Variants in CDYL observed in about 807,000 individuals in gnomAD.
The protein encoded by CDYL is chromodomain Y-like protein.
CDYL carries 8 observed loss-of-function variants against 47.3 expected under a neutral mutation model. That is an observed-to-expected ratio of 0.17 (90% confidence interval 0.10 to 0.31). CDYL has a LOEUF of 0.31. Among genes scored for constraint, CDYL ranks in the 10% least tolerant of loss-of-function variants. The pLI, the probability that CDYL is intolerant of heterozygous loss-of-function variation, is 1.00. For synonymous variants in CDYL, 266 were observed against 265.0 expected, an observed-to-expected ratio of 1.00 and a Z score of -0.04; for missense variants, 471 against 701.4, an observed-to-expected ratio of 0.67 and a Z score of 3.71.
intron 1 of CDYL, among the ~76,000 whole-genome samples, chr6:4,785,115 G>C (rs750322283): frequency 6.6e-6 from 1 of 152,200 alleles, no homozygotes; most frequent in Non-Finnish European, 1.5e-5. Flanking sequence ...ATTGCCTACA[G>C]TGTTCAGTAC....
In CDYL at chr6:4,724,085, C is replaced by T. The variant is rs115027975; in HGVS notation, c.103+8204C>T. ...AGAGAGTCTTGCTCTGACACCCAGG[C>T]TCTGGAGTGCAGGGGCATGATCTTG... On this transcript the variant is annotated intron_variant, in intron 2 of 8. Coordinates refer to the CDYL transcript ENST00000328908. Among the ~76,000 whole-genome samples, 430 of 152,306 alleles carry T rather than the reference C, an allele frequency of 2.8e-3. 2 individuals carry two copies. The highest frequency in any genetic ancestry group is 9.8e-3 in the African/African-American group (408 of 41,576).
chr6:4,717,839 ATT>A (rs11450522), intron 2 of CDYL, among the ~76,000 whole-genome samples: 4 of 144,212 alleles, frequency 2.8e-5, no homozygotes, highest in African/African-American at 7.8e-5. Context: ...ACCCTGTTAG[ATT>A]TTTTTTTTTC....
Position 4,892,004 on chromosome 6 carries a change from G to A in CDYL, c.316G>A (p.Glu106Lys), listed in dbSNP as rs976298118. ...PKALVIGKDH[E>K]SKNSQLFAAS... ...GGCACTCGTGATTGGGAAAGACCAC[G>A]AATCCAAAAACAGCCAGCTGTTTGC... The change falls in exon 2 of 7, where the codon GAA (glutamate) becomes AAA (lysine). Residue 106 changes from glutamate to lysine, a missense_variant. Physicochemically the swap from Glu to Lys is moderately conservative, Grantham distance 56. Coordinates refer to ENST00000397588, the MANE Select transcript of CDYL (RefSeq NM_004824.4). The A allele has an allele frequency of 3.1e-6, 5 of 1,614,156 alleles. No homozygotes were observed. Among genetic ancestry groups the A allele is most frequent in the Non-Finnish European group, 4.2e-6 (5 of 1,180,028 alleles).
chr6:4,881,227 T>C (rs1212326468), intron 1 of CDYL, among the ~76,000 whole-genome samples: 2 of 152,190 alleles, frequency 1.3e-5, no homozygotes, highest in African/African-American at 2.4e-5. Context: ...TTTTTTTGGT[T>C]TTTGTTCCTC....
At chr6:4,718,888 T>C (rs537099726) in intron 2 of CDYL, among the ~76,000 whole-genome samples, 104 of 151,908 alleles carry the variant, frequency 6.8e-4, no homozygotes, top group Non-Finnish European at 1.4e-3. Context: ...GTTATATTGA[T>C]AGACATTCAG....
chr6:4,789,185 C>T (rs1169086088), intron 1 of CDYL, among the ~76,000 whole-genome samples: 1 of 152,174 alleles, frequency 6.6e-6, no homozygotes, highest in African/African-American at 2.4e-5. Flanking sequence ...AGGTGATCTG[C>T]CTACTTCAGC....
At chr6:4,773,866 G>A (rs905134188), upstream of CDYL, among the ~76,000 whole-genome samples, 10 of 152,192 alleles carry the variant, frequency 6.6e-5, no homozygotes, top group African/African-American at 1.9e-4. This position sits in a 1 kb window ranked among gnomAD's most constrained non-coding sequence, Gnocchi z 4.6. Flanking sequence ...GAAAAGCTAC[G>A]TAAATTGACA....
chr6:4,833,068 T>G (rs1760194775), intron 1 of CDYL, among the ~76,000 whole-genome samples: 1 of 146,910 alleles, frequency 6.8e-6, no homozygotes, highest in African/African-American at 2.6e-5. Context: ...GTGTCTCTAT[T>G]TCCTTCAGTT....
chr6:4,942,003 A>G (rs1432853801), intron 4 of CDYL, among the ~76,000 whole-genome samples: 1 of 152,244 alleles, frequency 6.6e-6, no homozygotes, highest in East Asian at 1.9e-4. Context: ...ATCTTGTGTC[A>G]TTGACCCCAT....
At chr6:4,807,972 C>G in intron 1 of CDYL, among the ~76,000 whole-genome samples, 1 of 152,074 alleles carries the variant, frequency 6.6e-6, no homozygotes, top group Middle Eastern at 3.4e-3. Context: ...TATTCTTATT[C>G]TGTTACTCAG....
At chr6:4,726,873 C>T (rs562225575) in intron 2 of CDYL, among the ~76,000 whole-genome samples, 153 of 152,082 alleles carry the variant, frequency 1.0e-3, no homozygotes, top group Non-Finnish European at 1.8e-3. Context: ...TAGTCTGAGA[C>T]TCCATTCTTC....
chr6:4,810,744 T>G (rs1287614168), intron 1 of CDYL, among the ~76,000 whole-genome samples: 1 of 152,182 alleles, frequency 6.6e-6, no homozygotes, highest in Middle Eastern at 3.2e-3. Context: ...CTCTCTGCCC[T>G]TCTCACAGTG....
intron 2 of CDYL, among the ~76,000 whole-genome samples, chr6:4,900,341 G>A (rs1355544270): frequency 1.3e-5 from 2 of 152,130 alleles, no homozygotes; most frequent in African/African-American, 2.4e-5. Context: ...TGCAAGACCA[G>A]TACAAGAAAT....
At chr6:4,930,966 C>T (rs751386602) in intron 2 of CDYL, among the ~76,000 whole-genome samples, 5 of 152,090 alleles carry the variant, frequency 3.3e-5, no homozygotes, top group African/African-American at 9.7e-5. Context: ...GTGAGGGGGG[C>T]GGTTTTTTTC....
chr6:4,857,479 T>A (rs1176793521), intron 1 of CDYL, among the ~76,000 whole-genome samples: 1 of 152,232 alleles, frequency 6.6e-6, no homozygotes. Context: ...AAGAGACTCT[T>A]ACTAGACTCT....
At chr6:4,788,138 A>G (rs1758808151) in intron 1 of CDYL, among the ~76,000 whole-genome samples, 1 of 152,076 alleles carries the variant, frequency 6.6e-6, no homozygotes, top group Admixed American at 6.5e-5. Context: ...TTGGGTCTCC[A>G]GTGGCTCACT....
At chr6:4,828,094 T>C (rs1760029104) in intron 1 of CDYL, among the ~76,000 whole-genome samples, 1 of 152,224 alleles carries the variant, frequency 6.6e-6, no homozygotes, top group Non-Finnish European at 1.5e-5. Context: ...AGTTACTGTT[T>C]AGCATGCTTT....
intron 2 of CDYL, among the ~76,000 whole-genome samples, chr6:4,721,959 T>G (rs1048281095): frequency 3.8e-4 from 58 of 151,534 alleles, no homozygotes; most frequent in African/African-American, 1.4e-3. Context: ...ACCTCCCGGG[T>G]TCACACCATT....
chr6:4,820,326 A>G (rs947444967), intron 1 of CDYL, among the ~76,000 whole-genome samples: 4 of 152,226 alleles, frequency 2.6e-5, no homozygotes, highest in African/African-American at 4.8e-5. Context: ...GTGAGACAAC[A>G]GATGTTAAAG....
Sources: allele counts gnomAD v4.1 joint callset (sites outside exome capture counted in the v4.1 genomes callset), GRCh38; gene constraint gnomAD v4.1.1; non-coding constraint Gnocchi (gnomAD v3.1); transcripts MANE v1.5; gene names NCBI Gene and HGNC (gene_info 2026-07-23, HGNC 2026-07-21).